The following NLRP11 variants were observed in gnomAD, a reference collection of about 807,000 sequenced individuals.
NLRP11 encodes the protein NLR family pyrin domain containing 11.
In NLRP11, 53 loss-of-function variants were observed where a neutral mutation model predicts 79.3. The observed-to-expected ratio is 0.67, with a 90% confidence interval of 0.54 to 0.84. NLRP11 has a LOEUF of 0.84. Among genes scored for constraint, NLRP11 ranks in the 40% least tolerant of loss-of-function variants. The pLI is 0.00. For synonymous variants in NLRP11, 518 were observed against 462.6 expected (o/e 1.12, Z -1.54); for missense variants, 1,264 against 1,255.0 (o/e 1.01, Z -0.11).
exon 3 of NLRP11, chr19:55,808,947 C>T (rs762467839): frequency 4.3e-6 from 7 of 1,613,978 alleles, no homozygotes; most frequent in African/African-American, 4.0e-5. Context: ...ACAAATTCTT[C>T]TTCCCGATTC....
At chr19:55,833,029 T>TAA (rs1982931860), upstream of NLRP11, 1 of 152,176 alleles carries the variant, frequency 6.6e-6, no homozygotes, top group Non-Finnish European at 1.5e-5. Flanking sequence ...TTGGTGAATA[T>TAA]AAATCAACAT....
At chr19:55,835,051 T>C (rs543482181), upstream of NLRP11, among the ~76,000 whole-genome samples, 1 of 152,326 alleles carries the variant, frequency 6.6e-6, no homozygotes, top group Admixed American at 6.5e-5. Flanking sequence ...GTCCCCATCA[T>C]GTCTGCTTCC....
At chr19:55,797,940 A>T (rs980529030) in intron 5 of NLRP11, among the ~76,000 whole-genome samples, 1 of 151,888 alleles carries the variant, frequency 6.6e-6, no homozygotes, top group Non-Finnish European at 1.5e-5. Context: ...TAAACAGGAG[A>T]TGGGGAGAGG....
rs779773007 is a variant in NLRP11, at chr19:55,817,952, T to C, written c.223A>G (p.Met75Val). Residue 75 changes from methionine (M) to valine (V), a missense_variant, in exon 2 of 10, where the codon ATG becomes GTG. By Grantham distance (21) the Met-to-Val change is conservative. Coordinates refer to ENST00000589093, the Ensembl canonical transcript of NLRP11. ...CTACAAAGATCTTCCTTACGCATCA[T>C]TGAAAATATGCTGAAGAGCATATTC... is the stretch of plus-strand genomic sequence containing the variant. 22 of 1,613,600 alleles carry C rather than the reference T, an allele frequency of 1.4e-5. No individual in the cohort carries two copies. The highest frequency in any genetic ancestry group is 1.7e-5 in the Non-Finnish European group (20 of 1,179,684).
At chr19:55,821,037 G>C (rs909404919) in intron 1 of NLRP11, among the ~76,000 whole-genome samples, 1 of 151,920 alleles carries the variant, frequency 6.6e-6, no homozygotes. Flanking sequence ...TTTATGGCTT[G>C]TACAGACAAC....
At chr19:55,814,851 C>T (rs1980932616) in intron 2 of NLRP11, among the ~76,000 whole-genome samples, 2 of 152,076 alleles carry the variant, frequency 1.3e-5, no homozygotes, top group Non-Finnish European at 2.9e-5. Context: ...AAGAGTGAGA[C>T]AGGACAGCCA....
intron 5 of NLRP11, among the ~76,000 whole-genome samples, chr19:55,799,226 C>T (rs1007516081): frequency 6.6e-5 from 10 of 152,116 alleles, no homozygotes; most frequent in African/African-American, 2.2e-4. Flanking sequence ...GAGATCACCC[C>T]ACTGGACTCC....
At chr19:55,789,808 G>A (rs927483650) in intron 7 of NLRP11, among the ~76,000 whole-genome samples, 1 of 152,072 alleles carries the variant, frequency 6.6e-6, no homozygotes, top group East Asian at 1.9e-4. Flanking sequence ...CATCGAGAAG[G>A]GCTAAATACA....
chr19:55,792,516 G>C (rs774448055), intron 6 of NLRP11, 45 bp from the exon 7 acceptor site: 8 of 1,562,596 alleles, frequency 5.1e-6, no homozygotes, highest in African/African-American at 1.4e-5. Flanking sequence ...GAGCACCAGA[G>C]AGGGGAGCAC....
intron 4 of NLRP11, among the ~76,000 whole-genome samples, chr19:55,807,537 G>T (rs1458290009): frequency 6.6e-6 from 1 of 152,092 alleles, no homozygotes; most frequent in Non-Finnish European, 1.5e-5. Context: ...GATGCAAGCA[G>T]AAGTGATACA....
chr19:55,801,611 T>C (rs754328288), exon 5 of NLRP11: 20 of 1,613,988 alleles, frequency 1.2e-5, no homozygotes, highest in Non-Finnish European at 5.1e-6. Context: ...GTGCAGGATG[T>C]CATGCAGAAG....
chr19:55,807,789 G>A (rs1980137986), intron 4 of NLRP11, 64 bp downstream of exon 4: 4 of 1,138,154 alleles, frequency 3.5e-6, no homozygotes, highest in Non-Finnish European at 5.0e-6. Flanking sequence ...TTCTCCCAGA[G>A]AAAGAAAAAG....
At chr19:55,818,907 C>T (rs1418901646) in intron 1 of NLRP11, among the ~76,000 whole-genome samples, 1 of 152,086 alleles carries the variant, frequency 6.6e-6, no homozygotes, top group Non-Finnish European at 1.5e-5. Context: ...TGGCTTCAGA[C>T]TCAAGTTTTT....
At chr19:55,831,848 C>T (rs1417683863) in intron 1 of NLRP11, 115 bp downstream of exon 1, 2 of 151,786 alleles carry the variant, frequency 1.3e-5, no homozygotes, top group African/African-American at 2.4e-5. Context: ...TCATTTTATT[C>T]CCCAATCATA....
At chr19:55,831,101 CCCCCCCCAT>C (rs1159246869) in intron 1 of NLRP11, among the ~76,000 whole-genome samples, 1 of 65,004 alleles carries the variant, frequency 1.5e-5, no homozygotes, top group African/African-American at 6.4e-5. Flanking sequence ...CACCGCCCCA[CCCCCCCCAT>C]CCCCCCCACC....
exon 8 of NLRP11, chr19:55,789,248 A>T (rs774812188): frequency 1.2e-6 from 2 of 1,612,352 alleles, no homozygotes; most frequent in African/African-American, 2.7e-5. Flanking sequence ...ACCAACATGC[A>T]GTTGGGATGT....
At position 55,809,910 on chromosome 19, in the gene NLRP11, T is replaced by C. The variant is rs763042302; in HGVS notation, c.700A>G (p.Ile234Val). ...TCATTGACATTTAACTCGAATCTTA[T>C]GTTGTCCAAGTCCTCGAGGATGAAA... Residue 234 changes from isoleucine to valine, a missense_variant, in exon 3 of 10, where the codon ATA (isoleucine) becomes GTA (valine). Ile to Val is a conservative substitution (Grantham distance 29, BLOSUM62 3). Transcript: ENST00000589093. This position sits in a 1 kb window ranked among gnomAD's most constrained non-coding sequence, Gnocchi z 4.5. 2 of 1,614,036 alleles carry C rather than the reference T, an allele frequency of 1.2e-6. No individual in the cohort carries two copies. Among genetic ancestry groups the C allele is most frequent in the Non-Finnish European group, 1.7e-6 (2 of 1,179,990 alleles).
chr19:55,789,395 A>G, exon 8 of NLRP11: 1 of 1,611,076 alleles, frequency 6.2e-7, no homozygotes, highest in East Asian at 2.2e-5. Flanking sequence ...AAACAGCCAG[A>G]CAGACTGCAA....
At chr19:55,816,167 G>A (rs947710596) in intron 2 of NLRP11, among the ~76,000 whole-genome samples, 1 of 152,078 alleles carries the variant, frequency 6.6e-6, no homozygotes, top group African/African-American at 2.4e-5. Context: ...TCACCTATAA[G>A]ACACATAGAC....
Sources: allele counts gnomAD v4.1 joint callset (sites outside exome capture counted in the v4.1 genomes callset), GRCh38; gene constraint gnomAD v4.1.1; non-coding constraint Gnocchi (gnomAD v3.1); transcripts MANE v1.5; gene names NCBI Gene and HGNC (gene_info 2026-07-23, HGNC 2026-07-21).